BICDL1: variants seen among roughly 807,000 people sequenced by gnomAD.
BICDL1 encodes the protein BICD family like cargo adaptor 1, also known as BICD family-like cargo adapter 1.
Under a neutral mutation model 76.8 loss-of-function variants are expected in BICDL1, and 20 were observed. The ratio of observed to expected loss-of-function variants is 0.26; its 90% CI spans 0.18 to 0.38. The LOEUF (loss-of-function observed/expected upper bound fraction) is 0.38. Among genes scored for constraint, BICDL1 ranks in the 10% least tolerant of loss-of-function variants. The pLI is 1.00. For synonymous variants in BICDL1, 383 were observed against 337.1 expected, an observed-to-expected ratio of 1.14 and a Z score of -1.49; for missense variants, 700 against 798.6, an observed-to-expected ratio of 0.88 and a Z score of 1.49.
chr12:120,010,013 A>T (rs1241054283), intron 2 of BICDL1, among the ~76,000 whole-genome samples: 1 of 152,188 alleles, frequency 6.6e-6, no homozygotes, highest in African/African-American at 2.4e-5. Context: ...TGTGTTTTTA[A>T]AATTTGTAAC....
At chr12:120,041,920 T>G (rs552676501) in intron 2 of BICDL1, among the ~76,000 whole-genome samples, 1 of 152,274 alleles carries the variant, frequency 6.6e-6, no homozygotes, top group Admixed American at 6.5e-5. Flanking sequence ...TGGTAAGGAC[T>G]TTATTATGTT....
At chr12:120,061,611 A>G (rs568916309) in intron 2 of BICDL1, 99 bp from the exon 3 acceptor site, 8 of 843,980 alleles carry the variant, frequency 9.5e-6, no homozygotes, top group Non-Finnish European at 1.6e-5. Context: ...CTTAAAGAAT[A>G]GAAAGTGCAA....
At chr12:120,038,193 G>A (rs958558400) in intron 2 of BICDL1, among the ~76,000 whole-genome samples, 3 of 152,142 alleles carry the variant, frequency 2.0e-5, no homozygotes, top group African/African-American at 2.4e-5. Context: ...TTCCTAACCC[G>A]TTTTCCATCA....
intron 2 of BICDL1, among the ~76,000 whole-genome samples, chr12:120,028,397 GGGCGTGGT>G (rs1397407726): frequency 2.6e-5 from 4 of 152,076 alleles, no homozygotes; most frequent in African/African-American, 7.2e-5. Flanking sequence ...GATATTGGCT[GGGCGTGGT>G]GGCTCACGCC....
At chr12:120,005,338 T>G (rs951007789) in intron 2 of BICDL1, among the ~76,000 whole-genome samples, 6 of 152,184 alleles carry the variant, frequency 3.9e-5, no homozygotes, top group Non-Finnish European at 8.8e-5. Context: ...TGCACACATG[T>G]TGTACATAAC....
intron 3 of BICDL1, among the ~76,000 whole-genome samples, chr12:120,062,435 C>T (rs1233849523): frequency 6.6e-6 from 1 of 152,020 alleles, no homozygotes; most frequent in Non-Finnish European, 1.5e-5. Context: ...CCAGGCCTCC[C>T]CCTAGGGGAG....
chr12:119,999,666 A>G, intron 2 of BICDL1: 1 of 316,094 alleles, frequency 3.2e-6, no homozygotes. Flanking sequence ...GGTTGAGGCT[A>G]AATAGATGGA....
rs201376334 is a variant in BICDL1, at chr12:120,093,054, C to T, written c.1759C>T (p.Arg587Trp). 100 of 1,599,100 alleles carry T rather than the reference C, an allele frequency of 6.3e-5. No individual in the cohort carries two copies. Among genetic ancestry groups the T allele is most frequent in the African/African-American group, 2.1e-4 (16 of 74,494 alleles). The part of the protein sequence containing the change: ...RQLMDTHLKE[R>W]SQPAAALCRG... ...GCTGATGGACACGCACCTGAAAGAACGGAGCCAGCCGGCTGCTGCCCTCTG... is the reference window on the plus strand; with the variant it reads ...GCTGATGGACACGCACCTGAAAGAATGGAGCCAGCCGGCTGCTGCCCTCTG... The change falls in exon 10 of 10, where the codon CGG (arginine) becomes TGG (tryptophan). Residue 587 changes from arginine to tryptophan, a missense_variant. This residue lies in a region of BICDL1 where 455 missense variants were observed against 548.7 expected (regional missense o/e 0.83). Coordinates refer to ENST00000548673, the MANE Select transcript of BICDL1 (RefSeq NM_001367886.1).
chr12:120,009,315 GC>G (rs1467148786), intron 2 of BICDL1, among the ~76,000 whole-genome samples: 7 of 152,122 alleles, frequency 4.6e-5, no homozygotes, highest in African/African-American at 7.2e-5. Flanking sequence ...TACCGAGAGA[GC>G]CATGCCTGAT....
At chr12:120,040,568 A>G (rs111740913) in intron 2 of BICDL1, among the ~76,000 whole-genome samples, 52 of 151,516 alleles carry the variant, frequency 3.4e-4, no homozygotes, top group Non-Finnish European at 5.9e-5. Flanking sequence ...GGCATACACT[A>G]CCACACCCGG....
At chr12:120,045,825 C>A (rs1488027374) in intron 2 of BICDL1, among the ~76,000 whole-genome samples, 1 of 150,640 alleles carries the variant, frequency 6.6e-6, no homozygotes, top group Non-Finnish European at 1.5e-5. Flanking sequence ...TGCTAGATGA[C>A]GAGTTAGTGG....
At chr12:120,090,241 G>T in intron 9 of BICDL1, 170 bp downstream of exon 9, 1 of 729,346 alleles carries the variant, frequency 1.4e-6, no homozygotes, top group Non-Finnish European at 2.2e-6. Flanking sequence ...AGTCCTTGGG[G>T]AAGAATGCTT....
chr12:120,010,699 T>C (rs965486320), intron 2 of BICDL1, among the ~76,000 whole-genome samples: 13 of 152,208 alleles, frequency 8.5e-5, no homozygotes, highest in Admixed American at 6.5e-5. Context: ...GTTTTATGTA[T>C]TGAAGTTCTG....
chr12:120,076,294 TAAACTGGAAA>T (rs1229849941), intron 7 of BICDL1, among the ~76,000 whole-genome samples: 27 of 152,224 alleles, frequency 1.8e-4, no homozygotes, highest in Non-Finnish European at 4.0e-4. Flanking sequence ...ACAGATCTTC[TAAACTGGAAA>T]AATAAAATGC....
At chr12:120,075,439 G>A (rs1447964806) in intron 7 of BICDL1, among the ~76,000 whole-genome samples, 3 of 151,244 alleles carry the variant, frequency 2.0e-5, no homozygotes, top group Non-Finnish European at 4.4e-5. Context: ...TCTTGCCCAG[G>A]CTGGAGTATA....
At chr12:120,024,686 T>G (rs889121971) in intron 2 of BICDL1, among the ~76,000 whole-genome samples, 1 of 93,172 alleles carries the variant, frequency 1.1e-5, no homozygotes, top group African/African-American at 4.6e-5. Flanking sequence ...AAATCCTCTT[T>G]CTTTCTTTCT....
intron 2 of BICDL1, among the ~76,000 whole-genome samples, chr12:120,053,452 G>GT (rs987280350): frequency 6.6e-6 from 1 of 152,180 alleles, no homozygotes; most frequent in African/African-American, 2.4e-5. Context: ...TGATTGAATT[G>GT]TTTATCAGTG....
At chr12:120,005,014 G>T (rs138373608) in intron 2 of BICDL1, among the ~76,000 whole-genome samples, 2 of 152,230 alleles carry the variant, frequency 1.3e-5, no homozygotes, top group East Asian at 1.9e-4. Context: ...GTAGAAGCGG[G>T]ATTTCACCAT....
chr12:119,996,606 T>TCAGA (rs10635281), intron 1 of BICDL1, among the ~76,000 whole-genome samples: 52,351 of 151,760 alleles, frequency 0.34, 12,035 homozygotes, highest in African/African-American at 0.65. Context: ...TTTAGTTCAT[T>TCAGA]CAGTCTCAGT....
Sources: allele counts gnomAD v4.1 joint callset (sites outside exome capture counted in the v4.1 genomes callset), GRCh38; gene constraint gnomAD v4.1.1; regional missense constraint gnomAD v4.1.1; transcripts MANE v1.5; gene names NCBI Gene and HGNC (gene_info 2026-07-23, HGNC 2026-07-21).